Variants in TACC2 observed in about 807,000 individuals in gnomAD.
TACC2 encodes transforming acidic coiled-coil containing protein 2, also known as transforming acidic coiled-coil-containing protein 2.
A neutral mutation model predicts 227.3 loss-of-function variants in TACC2; 137 were observed. That is an observed-to-expected ratio of 0.60 (90% CI 0.52 to 0.69). TACC2 has a LOEUF of 0.69. Ranked by LOEUF, TACC2 falls within the 30% of genes least tolerant of loss-of-function variation. TACC2 has a pLI of 0.00. For missense variants in TACC2, 3,470 were observed against 3,694.4 expected (o/e 0.94, Z 1.57); for synonymous variants, 1,523 against 1,487.5 (o/e 1.02, Z -0.55).
At chr10:122,173,796 C>T (rs2093587800) in intron 7 of TACC2, among the ~76,000 whole-genome samples, 1 of 152,230 alleles carries the variant, frequency 6.6e-6, no homozygotes, top group African/African-American at 2.4e-5. Flanking sequence ...TTTCTGGTAA[C>T]AGATAAGGGA....
At chr10:122,203,606 C>T (rs916903983) in intron 8 of TACC2, among the ~76,000 whole-genome samples, 12 of 151,784 alleles carry the variant, frequency 7.9e-5, no homozygotes, top group Non-Finnish European at 1.0e-4. Flanking sequence ...GATGGGCGGC[C>T]GGGCAGAGAC....
At chr10:122,174,600 T>C (rs745421594) in intron 7 of TACC2, among the ~76,000 whole-genome samples, 1 of 152,114 alleles carries the variant, frequency 6.6e-6, no homozygotes, top group Non-Finnish European at 1.5e-5. Flanking sequence ...ATGCTCCTGT[T>C]TTTTTTTAAA....
chr10:122,129,084 T>TATTATC (rs371520109), intron 5 of TACC2, among the ~76,000 whole-genome samples: 27 of 148,098 alleles, frequency 1.8e-4, no homozygotes, highest in Non-Finnish European at 3.0e-4. Context: ...TTATTATTAT[T>TATTATC]ATTATTATTA....
At chr10:122,032,834 C>A (rs1959153280) in intron 2 of TACC2, among the ~76,000 whole-genome samples, 1 of 152,096 alleles carries the variant, frequency 6.6e-6, no homozygotes, top group South Asian at 2.1e-4. Flanking sequence ...TGGCATGCAC[C>A]TGTAATCCCA....
At chr10:122,215,543 G>A (rs922054930) in intron 10 of TACC2, 92 bp downstream of exon 10, 10 of 1,111,522 alleles carry the variant, frequency 9.0e-6, no homozygotes, top group African/African-American at 1.5e-5. Context: ...TGCTCATCCC[G>A]GGCCTGTTTC....
At chr10:122,138,123 T>C (rs2089995448) in intron 6 of TACC2, among the ~76,000 whole-genome samples, 1 of 152,148 alleles carries the variant, frequency 6.6e-6, no homozygotes, top group South Asian at 2.1e-4. Flanking sequence ...CACAATAAGA[T>C]TTTTTTGTCT....
intron 8 of TACC2, among the ~76,000 whole-genome samples, chr10:122,200,963 C>CTGTGTT (rs2094801574): frequency 1.5e-5 from 2 of 132,610 alleles, no homozygotes; most frequent in Admixed American, 1.5e-4. Flanking sequence ...CCCACAGTGG[C>CTGTGTT]CACATCTACA....
At chr10:122,060,170 G>C (rs796925079) in intron 3 of TACC2, among the ~76,000 whole-genome samples, 17 of 152,346 alleles carry the variant, frequency 1.1e-4, no homozygotes, top group African/African-American at 3.8e-4. Context: ...GGCAGTGAGA[G>C]ATGGCGAGGT....
chr10:122,080,352 C>T (rs2079327248), intron 3 of TACC2, among the ~76,000 whole-genome samples: 1 of 151,966 alleles, frequency 6.6e-6, no homozygotes, highest in Non-Finnish European at 1.5e-5. Context: ...CCCACGTCAG[C>T]CTCCTGAGTA....
At chr10:122,089,484 G>A (rs1300078098) in intron 5 of TACC2, among the ~76,000 whole-genome samples, 1 of 152,214 alleles carries the variant, frequency 6.6e-6, no homozygotes, top group Admixed American at 6.5e-5. Flanking sequence ...GTGCCTGCCT[G>A]TTCTTTTCTA....
At chr10:122,028,426 A>G (rs1421081583) in intron 2 of TACC2, among the ~76,000 whole-genome samples, 1 of 151,968 alleles carries the variant, frequency 6.6e-6, no homozygotes, top group Non-Finnish European at 1.5e-5. Flanking sequence ...GTAATCTTCA[A>G]CATATAGATC....
At chr10:122,228,794 AG>A (rs2141394873) in intron 14 of TACC2, among the ~76,000 whole-genome samples, 1 of 152,218 alleles carries the variant, frequency 6.6e-6, no homozygotes, top group African/African-American at 2.4e-5. Flanking sequence ...AATAGCAAAA[AG>A]AGGGTCTAGA....
chr10:121,997,097 G>A (rs1429182124), intron 1 of TACC2, among the ~76,000 whole-genome samples: 1 of 152,288 alleles, frequency 6.6e-6, no homozygotes, highest in African/African-American at 2.4e-5. Flanking sequence ...CTGCAGAGAG[G>A]CTGAAAGAGG....
intron 2 of TACC2, among the ~76,000 whole-genome samples, chr10:122,028,428 A>G (rs941409203): frequency 1.3e-5 from 2 of 152,274 alleles, no homozygotes; most frequent in South Asian, 2.1e-4. Context: ...AATCTTCAAC[A>G]TATAGATCCA....
rs2075568252 is a variant in TACC2, at chr10:122,050,620, G to A, written c.146+70G>A. On this transcript the variant is annotated intron_variant, in intron 3 of 22. Coordinates refer to ENST00000369005, the MANE Select transcript of TACC2 (RefSeq NM_206862.4). The surrounding 1 kb of genome is among the most constrained non-coding windows in gnomAD (Gnocchi z 4.6). ...CCGCTCATTGCCTGCTCCAGCATTA[G>A]CTTTGCCCCATTTGCTTTGGAAACT... 13 of 1,281,344 alleles carry A rather than the reference G, an allele frequency of 1.0e-5. No individual in the cohort carries two copies. Among genetic ancestry groups the A allele is most frequent in the Admixed American group, 1.9e-5 (1 of 52,316 alleles). The allele number at this position is 1,281,344 out of a possible 1,614,324, so 79.4% of individuals were successfully genotyped here.
At chr10:122,028,008 G>GCACAGCAGTGTTGCACAGAACAGTC (rs1565104329) in intron 2 of TACC2, among the ~76,000 whole-genome samples, 1 of 151,020 alleles carries the variant, frequency 6.6e-6, no homozygotes, top group African/African-American at 2.4e-5. Context: ...CTCCCAAAGT[G>GCACAGCAGTGTTGCACAGAACAGTC]CTAGGATTAC....
intron 3 of TACC2, among the ~76,000 whole-genome samples, chr10:122,053,512 C>A (rs546889828): frequency 1.6e-4 from 25 of 152,312 alleles, no homozygotes; most frequent in Non-Finnish European, 2.6e-4. Context: ...AGACCATCAT[C>A]CATTCCCTCC....
intron 19 of TACC2, chr10:122,247,602 C>A (rs1362979536): frequency 3.3e-5 from 5 of 152,236 alleles, no homozygotes; most frequent in Non-Finnish European, 5.9e-5. Context: ...TAGGTACCAG[C>A]ATGGATGCAG....
At chr10:122,199,173 C>T (rs1340604676) in intron 8 of TACC2, among the ~76,000 whole-genome samples, 1 of 152,240 alleles carries the variant, frequency 6.6e-6, no homozygotes, top group African/African-American at 2.4e-5. Flanking sequence ...AGGACATGGT[C>T]CCCAGGCACT....
Sources: gnomAD v4.1 joint callset for allele counts (sites outside exome capture counted in the v4.1 genomes callset) on GRCh38, gnomAD v4.1.1 for gene constraint, Gnocchi (gnomAD v3.1) non-coding constraint, MANE v1.5 for transcripts, NCBI Gene and HGNC (gene_info 2026-07-23, HGNC 2026-07-21) for gene names.